FANCC: variants seen among roughly 807,000 people sequenced by gnomAD.
The protein encoded by FANCC is FA complementation group C.
In FANCC, 55 loss-of-function variants were observed where a neutral mutation model predicts 71.3. That is an observed-to-expected ratio of 0.77 (90% CI 0.62 to 0.97). The LOEUF (loss-of-function observed/expected upper bound fraction) is 0.97, where lower values mean the gene tolerates loss of function less well. Ranked by LOEUF, FANCC falls within the 50% of genes least tolerant of loss-of-function variation. The pLI, the probability that FANCC is intolerant of heterozygous loss-of-function variation, is 0.00. For missense variants in FANCC, 678 were observed against 670.9 expected, an observed-to-expected ratio of 1.01 and a Z score of -0.12; for synonymous variants, 275 against 244.9, an observed-to-expected ratio of 1.12 and a Z score of -1.15.
intron 1 of FANCC, among the ~76,000 whole-genome samples, chr9:95,273,061 T>A: frequency 6.6e-6 from 1 of 152,160 alleles, no homozygotes; most frequent in East Asian, 1.9e-4. Flanking sequence ...TACCTGAGGT[T>A]ATATGAAGGA....
chr9:95,148,716 T>C (rs902853382), intron 7 of FANCC, among the ~76,000 whole-genome samples: 10 of 152,224 alleles, frequency 6.6e-5, no homozygotes, highest in African/African-American at 2.4e-4. Context: ...GCTACAAAAT[T>C]ATGTGTGTTG....
intron 6 of FANCC, among the ~76,000 whole-genome samples, chr9:95,156,874 C>T (rs969730349): frequency 6.6e-6 from 1 of 152,142 alleles, no homozygotes; most frequent in African/African-American, 2.4e-5. Flanking sequence ...TATCATAATA[C>T]CACATAACTT....
chr9:95,243,655 G>A (rs1233914387), intron 3 of FANCC, among the ~76,000 whole-genome samples: 1 of 151,894 alleles, frequency 6.6e-6, no homozygotes, highest in Non-Finnish European at 1.5e-5. Flanking sequence ...TTAGCTGGGC[G>A]TGGTAGCGGG....
intron 4 of FANCC, among the ~76,000 whole-genome samples, chr9:95,176,704 T>C (rs978459094): frequency 6.6e-6 from 1 of 152,260 alleles, no homozygotes; most frequent in Non-Finnish European, 1.5e-5. Context: ...CTACTGTTAT[T>C]GTATATCACA....
At chr9:95,205,631 T>G (rs1393357851) in intron 4 of FANCC, among the ~76,000 whole-genome samples, 1 of 151,892 alleles carries the variant, frequency 6.6e-6, no homozygotes, top group Non-Finnish European at 1.5e-5. Flanking sequence ...TGTACACATT[T>G]ATTACTTAAA....
chr9:95,161,990 C>T (rs975986730), intron 6 of FANCC, among the ~76,000 whole-genome samples: 3 of 152,222 alleles, frequency 2.0e-5, no homozygotes, highest in Non-Finnish European at 2.9e-5. Flanking sequence ...TACAGGCACC[C>T]GCCACCACAC....
At chr9:95,132,637 G>C (rs1827085710) in intron 8 of FANCC, among the ~76,000 whole-genome samples, 1 of 152,092 alleles carries the variant, frequency 6.6e-6, no homozygotes, top group African/African-American at 2.4e-5. Context: ...AAGCCAAAGG[G>C]GAAGCCTCAA....
chr9:95,298,843 T>C (rs530006116), intron 1 of FANCC, among the ~76,000 whole-genome samples: 114 of 152,332 alleles, frequency 7.5e-4, no homozygotes, highest in African/African-American at 2.6e-3. Flanking sequence ...AGCCAAGTAA[T>C]ATACAAATAC....
At chr9:95,230,249 C>T (rs1167529016) in intron 4 of FANCC, among the ~76,000 whole-genome samples, 1 of 152,190 alleles carries the variant, frequency 6.6e-6, no homozygotes, top group East Asian at 1.9e-4. Context: ...TGTAGTGCGG[C>T]TGCAGTGCAG....
chr9:95,231,575 C>A (rs942046496), intron 4 of FANCC, among the ~76,000 whole-genome samples: 1 of 152,172 alleles, frequency 6.6e-6, no homozygotes, highest in East Asian at 1.9e-4. Flanking sequence ...CAGTCTCACT[C>A]ACCATTCAAA....
intron 13 of FANCC, among the ~76,000 whole-genome samples, chr9:95,109,961 T>C (rs1808482627): frequency 6.6e-6 from 1 of 152,134 alleles, no homozygotes; most frequent in Non-Finnish European, 1.5e-5. Context: ...CATACACCAA[T>C]GCCTCAGGCA....
chr9:95,246,483 C>A (rs1314493325), intron 3 of FANCC, among the ~76,000 whole-genome samples: 3 of 152,164 alleles, frequency 2.0e-5, no homozygotes, highest in African/African-American at 7.2e-5. Flanking sequence ...TGCAATTAGT[C>A]TTTGACTTTA....
rs553144866 is a variant in FANCC at position 95,310,734 on chromosome 9, C to T, written c.-79+6792G>A. Among the ~76,000 whole-genome samples, 3 of 151,940 alleles carry T rather than the reference C, an allele frequency of 2.0e-5. No individual in the cohort carries two copies. In the South Asian group the frequency reaches 6.2e-4, roughly 32 times the overall value. On this transcript the variant is annotated intron_variant, in intron 1 of 14. Coordinates refer to ENST00000289081, the MANE Select transcript of FANCC (RefSeq NM_000136.3). ...CCCAGAGCCCATAGAATAGTGACTA[C>T]TAAAAGAAAATCTAGGGTCTGTTAT...
chr9:95,147,525 A>G (rs1588173494), intron 7 of FANCC, among the ~76,000 whole-genome samples: 1 of 152,232 alleles, frequency 6.6e-6, no homozygotes, highest in South Asian at 2.1e-4. Flanking sequence ...TCAAAAAAGA[A>G]AAGAAAAGAA....
At position 95,283,746 on chromosome 9, in the gene FANCC, A is replaced by C. The variant is rs1588414383; in HGVS notation, c.-79+33780T>G. Among the ~76,000 whole-genome samples the C allele has an allele frequency of 2.6e-5, 4 of 152,394 alleles. No homozygotes were observed. In the Middle Eastern group the frequency reaches 0.01, roughly 389 times the overall value. On this transcript the variant is annotated intron_variant, in intron 1 of 14. Transcript: ENST00000289081. ...ATTATTTCAAGCTGCCAGTAGGCATAAAGTCAAATATTTTCCAAAAACACA... is the reference window on the plus strand; with the variant it reads ...ATTATTTCAAGCTGCCAGTAGGCATCAAGTCAAATATTTTCCAAAAACACA...
intron 10 of FANCC, 30 bp from the exon 11 acceptor site, chr9:95,117,420 T>G: frequency 6.3e-7 from 1 of 1,597,284 alleles, no homozygotes; most frequent in Non-Finnish European, 8.6e-7. Context: ...CCAAAGAGCA[T>G]GAACATTAAG....
At chr9:95,126,093 T>C (rs1297724863) in intron 9 of FANCC, among the ~76,000 whole-genome samples, 1 of 152,256 alleles carries the variant, frequency 6.6e-6, no homozygotes, top group African/African-American at 2.4e-5. Context: ...ATGGTGTATT[T>C]TGCCTTTCAG....
intron 1 of FANCC, among the ~76,000 whole-genome samples, chr9:95,315,349 C>T (rs983965110): frequency 6.6e-6 from 1 of 152,210 alleles, no homozygotes; most frequent in Non-Finnish European, 1.5e-5. Flanking sequence ...CTCAGCCTCC[C>T]GAGTAACTGG....
At position 95,152,151 on chromosome 9, in the gene FANCC, G is replaced by A. The variant is rs569930148; in HGVS notation, c.522-2064C>T. Among the ~76,000 whole-genome samples the A allele has an allele frequency of 2.4e-4, 36 of 152,192 alleles. No homozygotes were observed. The South Asian group carries it at 7.5e-3, about 32-fold the overall frequency. ...CTTGTATTTCCTCTTCAGAGAATTT[G>A]TTTATATATTTGTGTATCTTTGTCC... On this transcript the variant is annotated intron_variant, in intron 6 of 14. Coordinates refer to ENST00000289081, the MANE Select transcript of FANCC (RefSeq NM_000136.3).
Sources: gnomAD v4.1 joint callset for allele counts (sites outside exome capture counted in the v4.1 genomes callset) on GRCh38, gnomAD v4.1.1 for gene constraint, MANE v1.5 for transcripts, NCBI Gene and HGNC (gene_info 2026-07-23, HGNC 2026-07-21) for gene names.